The following CDADC1 variants were observed in gnomAD, a reference collection of about 807,000 sequenced individuals.
The protein encoded by CDADC1 is dCTP deaminase.
A neutral mutation model predicts 54.9 loss-of-function variants in CDADC1; 39 were observed. The ratio of observed to expected loss-of-function variants is 0.71; its 90% confidence interval spans 0.55 to 0.93. The LOEUF (loss-of-function observed/expected upper bound fraction) is 0.93. Ranked by LOEUF, CDADC1 falls within the 40% of genes least tolerant of loss-of-function variation. CDADC1 has a pLI of 0.00. For missense variants in CDADC1, 518 were observed against 618.8 expected, an observed-to-expected ratio of 0.84 and a Z score of 1.73; for synonymous variants, 186 against 204.0, an observed-to-expected ratio of 0.91 and a Z score of 0.75.
intron 6 of CDADC1, among the ~76,000 whole-genome samples, chr13:49,276,242 TAGTGGCG>T (rs1166212944): frequency 6.6e-6 from 1 of 152,204 alleles, no homozygotes; most frequent in East Asian, 1.9e-4. Context: ...CACATGTGGC[TAGTGGCG>T]ACTGTATGGG....
At chr13:49,282,110 G>A (rs181020422) in intron 8 of CDADC1, among the ~76,000 whole-genome samples, 3 of 151,880 alleles carry the variant, frequency 2.0e-5, no homozygotes, top group East Asian at 3.9e-4. Context: ...GAGCCACCAC[G>A]ACTGGCCCGG....
chr13:49,287,471 TATCTATCTATC>T (rs1953552892), intron 9 of CDADC1, among the ~76,000 whole-genome samples: 1 of 7,548 alleles, frequency 1.3e-4, no homozygotes, highest in African/African-American at 1.5e-4. Context: ...AGGCTGTATC[TATCTATCTATC>T]TATCTATCTA....
chr13:49,253,104 G>A (rs77145100), intron 2 of CDADC1, among the ~76,000 whole-genome samples: 4,347 of 152,120 alleles, frequency 0.029, 197 homozygotes, highest in African/African-American at 0.097. Flanking sequence ...TGCTTTTGTT[G>A]TACAGAGTAA....
At chr13:49,255,986 A>AGT in intron 3 of CDADC1, 73 bp downstream of exon 3, 4 of 1,540,582 alleles carry the variant, frequency 2.6e-6, no homozygotes, top group Non-Finnish European at 3.5e-6. Flanking sequence ...GTAGAATAAA[A>AGT]GTGCCTCCAT....
At chr13:49,277,433 T>A (rs1953179507) in intron 6 of CDADC1, among the ~76,000 whole-genome samples, 1 of 151,984 alleles carries the variant, frequency 6.6e-6, no homozygotes, top group South Asian at 2.1e-4. Context: ...AGACCCTGTC[T>A]CTAAATAAAT....
intron 8 of CDADC1, among the ~76,000 whole-genome samples, chr13:49,283,046 A>C (rs1953396846): frequency 6.6e-6 from 1 of 152,230 alleles, no homozygotes; most frequent in South Asian, 2.1e-4. Context: ...TGTAACATTT[A>C]ACTACTAGAA....
chr13:49,273,978 T>C (rs1481547219), intron 5 of CDADC1, among the ~76,000 whole-genome samples: 1 of 152,168 alleles, frequency 6.6e-6, no homozygotes, highest in Non-Finnish European at 1.5e-5. Context: ...TAATGGAGAA[T>C]CAATGAAGTT....
intron 3 of CDADC1, among the ~76,000 whole-genome samples, chr13:49,256,365 G>A (rs974120055): frequency 2.0e-5 from 3 of 152,158 alleles, no homozygotes; most frequent in Non-Finnish European, 4.4e-5. Flanking sequence ...GAAACAGTAG[G>A]ACCCTCAAGC....
At chr13:49,274,168 C>T (rs183882367) in intron 5 of CDADC1, 123 bp from the exon 6 acceptor site, 2 of 682,822 alleles carry the variant, frequency 2.9e-6, no homozygotes, top group Admixed American at 5.2e-5. Context: ...AGTGAAGATA[C>T]AAGGATTGCT....
In CDADC1 at chr13:49,291,927, T is replaced by G. The variant is rs1262489670; in HGVS notation, c.*170T>G. On this transcript the variant is annotated 3_prime_UTR_variant, in exon 10 of 10. Coordinates refer to ENST00000251108, the MANE Select transcript of CDADC1 (RefSeq NM_030911.4). ...AATGGTGTTAATAAGAATATTTGTC[T>G]TTTAGATTTATGTGTGGGTTTTCCA... 7.2e-7 allele frequency: 1 copy of G among 1,380,828 alleles called. No individual in the cohort carries two copies. The highest frequency in any genetic ancestry group is 9.4e-7 in the Non-Finnish European group (1 of 1,066,710). The allele number at this position is 1,380,828 out of a possible 1,614,324, so 85.5% of individuals were successfully genotyped here. A position where few individuals can be genotyped will look rare whatever the true frequency, so the allele number is the denominator to read the frequency against.
At chr13:49,256,113 A>G (rs1952541776) in intron 3 of CDADC1, among the ~76,000 whole-genome samples, 200 bp downstream of exon 3, 1 of 148,178 alleles carries the variant, frequency 6.7e-6, no homozygotes, top group East Asian at 1.9e-4. Flanking sequence ...ATTCTATGCT[A>G]CATCCTACAT....
In CDADC1 at chr13:49,292,120, GA is replaced by G; in HGVS notation, c.*364del. ...CTCTGCAGGGAATCACACACCTTTT[GA>G]GAAATATTAATTCTTTTGAATTACA... On this transcript the variant is annotated 3_prime_UTR_variant, in exon 10 of 10. Coordinates refer to ENST00000251108, the MANE Select transcript of CDADC1 (RefSeq NM_030911.4). 9.8e-7 allele frequency: 1 copy of G among 1,023,170 alleles called. No homozygotes were observed. Among genetic ancestry groups the G allele is most frequent in the South Asian group, 3.8e-5 (1 of 26,252 alleles). The allele number at this position is 1,023,170 out of a possible 1,614,324, so 63.4% of individuals were successfully genotyped here.
rs759361302 is a variant in CDADC1, at chr13:49,274,341, G to GT, written c.1050+2dup. ...AGTCATTTGGGCAGAAGGGAAATCT[G>GT]TAAGTATGAAAACAATTCTTTAAAT... On this transcript the variant is annotated splice_donor_variant, in intron 6 of 9. Transcript: ENST00000251108. LOFTEE classifies it high-confidence loss of function. The GT allele has an allele frequency of 2.5e-6, 4 of 1,608,342 alleles. No individual in the cohort carries two copies. The highest frequency in any genetic ancestry group is 3.4e-6 in the Non-Finnish European group (4 of 1,175,280).
At chr13:49,256,148 T>C (rs1952543322) in intron 3 of CDADC1, among the ~76,000 whole-genome samples, 2 of 151,774 alleles carry the variant, frequency 1.3e-5, no homozygotes, top group African/African-American at 4.8e-5. Flanking sequence ...AAAAAAACTC[T>C]TGATGGTTCA....
chr13:49,248,703 C>CT (rs1474537177), intron 1 of CDADC1, among the ~76,000 whole-genome samples, 168 bp from the exon 2 acceptor site: 2 of 152,204 alleles, frequency 1.3e-5, no homozygotes, highest in Non-Finnish European at 2.9e-5. Flanking sequence ...ACGACTAAGG[C>CT]TGAAGCGTCT....
intron 9 of CDADC1, among the ~76,000 whole-genome samples, chr13:49,289,119 GCT>G (rs1953617083): frequency 1.5e-5 from 1 of 68,070 alleles, no homozygotes; most frequent in Non-Finnish European, 2.9e-5. Flanking sequence ...CTTTTTTTTT[GCT>G]TTTTTTTTTT....
intron 7 of CDADC1, among the ~76,000 whole-genome samples, chr13:49,279,013 G>A (rs942503394): frequency 1.3e-5 from 2 of 152,096 alleles, no homozygotes; most frequent in African/African-American, 2.4e-5. Context: ...GTTCAGATAC[G>A]CAAATACTTA....
chr13:49,267,789 T>C lies in CDADC1; in HGVS notation c.730T>C (p.Leu244=). ...ERIKEYEMLF[L]VSNEEMHKQI... ...AATAAAAGAATATGAAATGTTATTT[T>C]TGGTTTCAAATGAAGAAATGCATAA... The change falls in exon 5 of 10, where the codon TTG becomes CTG. Residue 244 remains leucine (L), a synonymous_variant. Transcript: ENST00000251108. 2 of 1,612,706 alleles carry C rather than the reference T, an allele frequency of 1.2e-6. No individual in the cohort carries two copies. Among genetic ancestry groups the C allele is most frequent in the Non-Finnish European group, 1.7e-6 (2 of 1,179,052 alleles).
Position 49,292,083 on chromosome 13 carries a change from A to G in CDADC1, c.*326A>G. On this transcript the variant is annotated 3_prime_UTR_variant, in exon 10 of 10. Transcript: ENST00000251108. ...GCCAATTTGAAAGGGTCTGCTTCAC[A>G]AGAGGTCATGCCTCTGCAGGGAATC... The G allele has an allele frequency of 9.2e-7, 1 of 1,085,452 alleles. No homozygotes were observed. The highest frequency in any genetic ancestry group is 1.1e-6 in the Non-Finnish European group (1 of 890,588). The allele number at this position is 1,085,452 out of a possible 1,614,324, so 67.2% of individuals were successfully genotyped here.
Sources: gnomAD v4.1 joint callset for allele counts (sites outside exome capture counted in the v4.1 genomes callset) on GRCh38, gnomAD v4.1.1 for gene constraint, MANE v1.5 for transcripts, NCBI Gene and HGNC (gene_info 2026-07-23, HGNC 2026-07-21) for gene names.